The following GLG1 variants were observed in gnomAD, a reference collection of about 807,000 sequenced individuals.
GLG1 encodes the protein golgi glycoprotein 1.
In GLG1, 38 loss-of-function variants were observed where a neutral mutation model predicts 160.5. That is an observed-to-expected ratio of 0.24 (90% CI 0.18 to 0.31). The LOEUF is 0.31. Among genes scored for constraint, GLG1 ranks in the 10% least tolerant of loss-of-function variants. The pLI, the probability that GLG1 is intolerant of heterozygous loss-of-function variation, is 1.00. For synonymous variants in GLG1, 644 were observed against 543.4 expected, an observed-to-expected ratio of 1.19 and a Z score of -2.57; for missense variants, 1,373 against 1,505.2, an observed-to-expected ratio of 0.91 and a Z score of 1.45.
At chr16:74,463,196 C>T in intron 20 of GLG1, 160 bp downstream of exon 20, 1 of 646,940 alleles carries the variant, frequency 1.5e-6, no homozygotes, top group Non-Finnish European at 2.6e-6. Context: ...CTCCATTTTT[C>T]TGGATGCTCC....
chr16:74,575,442 T>C (rs2018975476), intron 1 of GLG1, among the ~76,000 whole-genome samples: 1 of 152,186 alleles, frequency 6.6e-6, no homozygotes, highest in Non-Finnish European at 1.5e-5. Context: ...ACAGCATGTT[T>C]TAGAATCAAT....
At position 74,606,777 on chromosome 16, in the gene GLG1, A is replaced by C. The variant is rs771470230; in HGVS notation, c.318T>G (p.Ala106=). 6.2e-7 allele frequency: 1 copy of C among 1,609,632 alleles called. No homozygotes were observed. The highest frequency in any genetic ancestry group is 8.5e-7 in the Non-Finnish European group (1 of 1,178,112). Residue 106 remains alanine (A), a synonymous_variant, in exon 1 of 26, where the codon GCT becomes GCG. Coordinates refer to ENST00000422840, the MANE Select transcript of GLG1 (RefSeq NM_001145667.2). ...CCTCCGCCAGCTTCCAGCCCCCACC[A>C]GCCCCCGCTCCTCCCCGCCGGGCCG... ...GPPARRGGAG[A]GGGWKLAEEE... is the part of the protein sequence containing the mutation.
At chr16:74,579,364 C>T (rs111671702) in intron 1 of GLG1, among the ~76,000 whole-genome samples, 1 of 151,882 alleles carries the variant, frequency 6.6e-6, no homozygotes, top group Non-Finnish European at 1.5e-5. Flanking sequence ...TGCAGTGAGC[C>T]GTGATTGTGC....
chr16:74,499,414 C>T (rs891340243), intron 4 of GLG1, among the ~76,000 whole-genome samples: 1 of 152,208 alleles, frequency 6.6e-6, no homozygotes, highest in African/African-American at 2.4e-5. Context: ...CTATGGAACA[C>T]TGTGTTTTTT....
At chr16:74,553,614 AG>A (rs1391117210) in intron 1 of GLG1, among the ~76,000 whole-genome samples, 2 of 151,652 alleles carry the variant, frequency 1.3e-5, no homozygotes, top group African/African-American at 4.8e-5. Flanking sequence ...CTGGGACTAC[AG>A]GTGCCTGCCA....
intron 14 of GLG1, among the ~76,000 whole-genome samples, chr16:74,471,492 A>G (rs1041239186): frequency 5.3e-5 from 8 of 152,220 alleles, no homozygotes; most frequent in Non-Finnish European, 1.0e-4. Context: ...TGTGTTCCGT[A>G]TAAGACATGA....
At position 74,475,100 on chromosome 16, in the gene GLG1, T is replaced by C. The variant is rs2015349454; in HGVS notation, c.1966-468A>G. On this transcript the variant is annotated intron_variant, in intron 12 of 25. Coordinates refer to ENST00000422840, the MANE Select transcript of GLG1 (RefSeq NM_001145667.2). The stretch of plus-strand genomic sequence containing the variant: ...TGAACCCAGGAGGCGGGGGCTGCAG[T>C]AAGCCAGGATCGTGCCACTGCACTG... Among the ~76,000 whole-genome samples, 3 of 132,204 alleles carry C rather than the reference T, an allele frequency of 2.3e-5. No homozygotes were observed. In the Admixed American group the frequency reaches 2.8e-4, roughly 12 times the overall value. 86.7% of individuals were successfully genotyped at this position (132,204 alleles called of 152,430 possible). A position where few individuals can be genotyped will look rare whatever the true frequency, so the allele number is the denominator to read the frequency against.
intron 5 of GLG1, 31 bp downstream of exon 5, chr16:74,496,410 G>C (rs767052915): frequency 6.4e-6 from 9 of 1,411,638 alleles, no homozygotes; most frequent in Admixed American, 1.7e-5. Flanking sequence ...AAAATAAAAG[G>C]AAGAAAAGAA....
intron 1 of GLG1, among the ~76,000 whole-genome samples, chr16:74,538,453 TG>T (rs2143637679): frequency 6.6e-6 from 1 of 152,344 alleles, no homozygotes; most frequent in African/African-American, 2.4e-5. Flanking sequence ...GAAACTCTCC[TG>T]AGCAAGTCTA....
intron 1 of GLG1, among the ~76,000 whole-genome samples, chr16:74,588,620 T>G (rs1208092542): frequency 6.6e-6 from 1 of 152,062 alleles, no homozygotes; most frequent in Non-Finnish European, 1.5e-5. Flanking sequence ...GGTTTCGCCA[T>G]GTTGCCCAGG....
chr16:74,556,017 T>C (rs1034726113), intron 1 of GLG1, among the ~76,000 whole-genome samples: 1 of 152,108 alleles, frequency 6.6e-6, no homozygotes, highest in African/African-American at 2.4e-5. Flanking sequence ...TTTTTAATTT[T>C]TTTGTAGAGA....
intron 2 of GLG1, among the ~76,000 whole-genome samples, chr16:74,516,688 C>T (rs1346166236): frequency 1.3e-5 from 2 of 152,088 alleles, no homozygotes; most frequent in Admixed American, 1.3e-4. Flanking sequence ...TAGCAAAAGA[C>T]AAGAAGTAAC....
intron 2 of GLG1, among the ~76,000 whole-genome samples, chr16:74,527,541 C>T (rs559430574): frequency 4.6e-5 from 7 of 152,044 alleles, no homozygotes; most frequent in East Asian, 1.9e-4. Context: ...TGAGCCACCA[C>T]GCCTGGCCAA....
At chr16:74,462,768 T>C in intron 20 of GLG1, 138 bp from the exon 21 acceptor site, 1 of 773,896 alleles carries the variant, frequency 1.3e-6, no homozygotes, top group South Asian at 1.5e-5. Context: ...AATAAACATT[T>C]ACTGAGCTCT....
intron 1 of GLG1, among the ~76,000 whole-genome samples, chr16:74,583,631 C>T (rs1957984868): frequency 6.6e-6 from 1 of 152,160 alleles, no homozygotes. Context: ...CCACCGGCCT[C>T]AGCCTCCCAA....
chr16:74,496,107 T>G (rs189210403), intron 5 of GLG1, among the ~76,000 whole-genome samples: 1 of 151,994 alleles, frequency 6.6e-6, no homozygotes, highest in Non-Finnish European at 1.5e-5. Context: ...CTACAAAAAA[T>G]TTTTAAAAAA....
At chr16:74,477,878 C>T (rs1194725708) in intron 11 of GLG1, among the ~76,000 whole-genome samples, 3 of 151,736 alleles carry the variant, frequency 2.0e-5, no homozygotes, top group Non-Finnish European at 4.4e-5. Flanking sequence ...GAGGCTGAGG[C>T]AGAAGAATCG....
intron 4 of GLG1, among the ~76,000 whole-genome samples, chr16:74,498,448 G>GTGTATATATATATTATATATATATATA (rs1491436581): frequency 4.2e-5 from 1 of 24,038 alleles, no homozygotes; most frequent in Non-Finnish European, 7.7e-5. Context: ...AAAAAAAAAA[G>GTGTATATATATATTATATATATATATA]TATATATATA....
chr16:74,504,761 GT>G (rs1234267363), intron 3 of GLG1, among the ~76,000 whole-genome samples: 3 of 152,172 alleles, frequency 2.0e-5, no homozygotes. Context: ...GGGGAACCTA[GT>G]TTGGATGGTT....
Sources: gnomAD v4.1 joint callset for allele counts (sites outside exome capture counted in the v4.1 genomes callset) on GRCh38, gnomAD v4.1.1 for gene constraint, MANE v1.5 for transcripts, NCBI Gene and HGNC (gene_info 2026-07-23, HGNC 2026-07-21) for gene names.